Variants in PCOLCE2 observed in about 807,000 individuals in gnomAD.
The protein encoded by PCOLCE2 is procollagen C-proteinase enhancer 2.
A neutral mutation model predicts 47.0 loss-of-function variants in PCOLCE2; 42 were observed. The ratio of observed to expected loss-of-function variants is 0.89; its 90% CI spans 0.70 to 1.16. The LOEUF is 1.16. PCOLCE2 is among the 50% of genes most tolerant of loss of function. The probability of loss-of-function intolerance (pLI) is 0.00; values close to 1 mark genes in which losing one functional copy is unlikely to be tolerated. For missense variants in PCOLCE2, 500 were observed against 526.1 expected (o/e 0.95, Z 0.49); for synonymous variants, 169 against 191.7 (o/e 0.88, Z 0.98).
chr3:142,854,195 T>C (rs1289700409), intron 2 of PCOLCE2, among the ~76,000 whole-genome samples: 1 of 111,210 alleles, frequency 9.0e-6, no homozygotes. Flanking sequence ...CAAAAAGAAC[T>C]GTTTTTGCAG....
chr3:142,849,579 G>A (rs2108198056), intron 2 of PCOLCE2, among the ~76,000 whole-genome samples: 1 of 152,202 alleles, frequency 6.6e-6, no homozygotes, highest in South Asian at 2.1e-4. Context: ...AGGATTCTCA[G>A]GTTACCAAAG....
intron 2 of PCOLCE2, among the ~76,000 whole-genome samples, chr3:142,881,272 T>A (rs1296898029): frequency 2.0e-5 from 3 of 152,230 alleles, no homozygotes; most frequent in Non-Finnish European, 4.4e-5. Context: ...TGACATTAGT[T>A]AAGACACAAG....
At position 142,848,357 on chromosome 3, in the gene PCOLCE2, A is replaced by C; in HGVS notation, c.308T>G (p.Ile103Ser). 1 of 1,614,238 alleles carries C rather than the reference A, an allele frequency of 6.2e-7. No homozygotes were observed. The highest frequency in any genetic ancestry group is 1.3e-5 in the African/African-American group (1 of 75,076). Residue 103 changes from isoleucine (I) to serine (S), a missense_variant, in exon 3 of 9, where the codon ATT becomes AGT. By Grantham distance (142) the Ile-to-Ser change is moderately radical (BLOSUM62 -2). Coordinates refer to ENST00000295992, the MANE Select transcript of PCOLCE2 (RefSeq NM_013363.4). ...CCGGAAAGTGCCACAGAAGCGGCCA[A>C]TGCGCTGGCCATTGGCATGGCCATT... ...VYNGHANGQR[I>S]GRFCGTFRPG... is the part of the protein sequence containing the mutation.
chr3:142,876,857 C>G (rs1475733322), intron 2 of PCOLCE2, among the ~76,000 whole-genome samples: 1 of 152,150 alleles, frequency 6.6e-6, no homozygotes, highest in Non-Finnish European at 1.5e-5. Context: ...CAAAAGCAAG[C>G]CCAGATTCAA....
At chr3:142,821,075 G>C (rs1275841500) in intron 7 of PCOLCE2, 30 bp from the exon 8 acceptor site, 1 of 1,536,278 alleles carries the variant, frequency 6.5e-7, no homozygotes, top group East Asian at 2.3e-5. Context: ...GAAGTGATGT[G>C]ACAGTGAAGG....
intron 3 of PCOLCE2, 179 bp from the exon 4 acceptor site, chr3:142,843,227 A>AAGATCATTCATTGTG: frequency 1.5e-6 from 1 of 684,420 alleles, no homozygotes; most frequent in Non-Finnish European, 2.7e-6. Context: ...AACACACACA[A>AAGATCATTCATTGTG]TGAATGATCT....
At chr3:142,866,058 T>A (rs916327789) in intron 2 of PCOLCE2, among the ~76,000 whole-genome samples, 2 of 152,206 alleles carry the variant, frequency 1.3e-5, no homozygotes, top group Non-Finnish European at 2.9e-5. Context: ...GGTTGATTTG[T>A]ATGTGTCAAC....
intron 2 of PCOLCE2, among the ~76,000 whole-genome samples, chr3:142,850,726 T>C (rs1937380544): frequency 6.6e-6 from 1 of 151,928 alleles, no homozygotes; most frequent in Non-Finnish European, 1.5e-5. Context: ...CATGAGAAAA[T>C]GGGGTGAGAG....
chr3:142,888,844 G>C lies in PCOLCE2; in HGVS notation c.53C>G (p.Thr18Ser). 1 of 1,546,668 alleles carries C rather than the reference G, an allele frequency of 6.5e-7. No individual in the cohort carries two copies. Among genetic ancestry groups the C allele is most frequent in the Non-Finnish European group, 8.7e-7 (1 of 1,149,182 alleles). Residue 18 changes from threonine (T) to serine (S), a missense_variant, in exon 1 of 9, where the codon ACC (threonine) becomes AGC (serine). Physicochemically the swap from Thr to Ser is moderately conservative, Grantham distance 58. Coordinates refer to ENST00000295992, the MANE Select transcript of PCOLCE2 (RefSeq NM_013363.4). ...TGGGGACTGCTGCCGCGAGAGCTGG[G>C]TGGCGGCAGCCAGCAGCAGGCAGAG... Reference protein sequence around the residue: ...APLCLLLAAATQLSRQQSPER... With the variant: ...APLCLLLAAASQLSRQQSPER...
chr3:142,848,186 T>G, intron 3 of PCOLCE2, 31 bp downstream of exon 3: 1 of 1,604,908 alleles, frequency 6.2e-7, no homozygotes, highest in Non-Finnish European at 8.5e-7. Context: ...CCAACATTAC[T>G]GTTGTTATTG....
At chr3:142,880,578 C>T (rs1933593224) in intron 2 of PCOLCE2, among the ~76,000 whole-genome samples, 2 of 152,186 alleles carry the variant, frequency 1.3e-5, no homozygotes, top group African/African-American at 4.8e-5. Flanking sequence ...TCTCATGAAG[C>T]CATATAAAAG....
At chr3:142,835,895 C>T (rs1452886639) in intron 5 of PCOLCE2, among the ~76,000 whole-genome samples, 5 of 152,234 alleles carry the variant, frequency 3.3e-5, no homozygotes, top group Non-Finnish European at 5.9e-5. Context: ...CCTCCAACCT[C>T]AGGTTCTCAG....
Position 142,881,589 on chromosome 3 carries a change from T to C in PCOLCE2, c.192+6080A>G, listed in dbSNP as rs574569773. Among the ~76,000 whole-genome samples the C allele has an allele frequency of 5.9e-5, 9 of 152,234 alleles. 1 individual carries two copies. In the South Asian group the frequency reaches 1.7e-3, roughly 28 times the overall value. On this transcript the variant is annotated intron_variant, in intron 2 of 8. Transcript: ENST00000295992. ...CACCTAGGCTATATAGTATAGCCTA[T>C]TGCTCCTAGGCTACGACACTGTACA...
intron 2 of PCOLCE2, among the ~76,000 whole-genome samples, chr3:142,863,064 G>A (rs534825374): frequency 1.4e-5 from 2 of 141,348 alleles, no homozygotes; most frequent in East Asian, 4.2e-4. Context: ...CTCCTACGCT[G>A]GATGCCTATC....
At chr3:142,854,021 G>A (rs574341636) in intron 2 of PCOLCE2, among the ~76,000 whole-genome samples, 1 of 152,280 alleles carries the variant, frequency 6.6e-6, no homozygotes, top group Non-Finnish European at 1.5e-5. Context: ...GAGGACAGAG[G>A]AACTGCATTT....
rs1394202848 is a variant in PCOLCE2, at chr3:142,842,768, C to T, written c.573+156G>A. On this transcript the variant is annotated intron_variant, in intron 4 of 8. Coordinates refer to ENST00000295992, the MANE Select transcript of PCOLCE2 (RefSeq NM_013363.4). This position sits in a 1 kb window ranked among gnomAD's most constrained non-coding sequence, Gnocchi z 4.1. Reference sequence around the variant, plus strand: ...AAAAAAAAAAAATATCTGGGGTCTTCGCATGAAGAAATACCTGTGTCCAGG... The same window carrying T: ...AAAAAAAAAAAATATCTGGGGTCTTTGCATGAAGAAATACCTGTGTCCAGG... Among the ~76,000 whole-genome samples, 2 of 152,002 alleles carry T rather than the reference C, an allele frequency of 1.3e-5. No individual in the cohort carries two copies. Among genetic ancestry groups the T allele is most frequent in the South Asian group, 2.1e-4 (1 of 4,804 alleles).
intron 2 of PCOLCE2, among the ~76,000 whole-genome samples, chr3:142,850,790 T>C (rs559483672): frequency 3.8e-5 from 5 of 130,242 alleles, no homozygotes; most frequent in South Asian, 4.7e-4. Flanking sequence ...GCTGTGAAGA[T>C]GAACAGAATA....
At chr3:142,829,948 C>A in intron 5 of PCOLCE2, 102 bp from the exon 6 acceptor site, 1 of 605,226 alleles carries the variant, frequency 1.7e-6, no homozygotes, top group Non-Finnish European at 2.8e-6. Flanking sequence ...CAATAGATTA[C>A]CAGTTGTTTA....
intron 2 of PCOLCE2, among the ~76,000 whole-genome samples, chr3:142,850,495 A>G (rs944996540): frequency 8.5e-5 from 13 of 152,334 alleles, no homozygotes; most frequent in African/African-American, 3.1e-4. Context: ...AAACCACAAT[A>G]GAGACTGAGT....
Sources: allele counts gnomAD v4.1 joint callset (sites outside exome capture counted in the v4.1 genomes callset), GRCh38; gene constraint gnomAD v4.1.1; non-coding constraint Gnocchi (gnomAD v3.1); transcripts MANE v1.5; gene names NCBI Gene and HGNC (gene_info 2026-07-23, HGNC 2026-07-21).